GALNT13: variants seen among roughly 807,000 people sequenced by gnomAD.
GALNT13 encodes UDP-GalNAc:polypeptide N-acetylgalactosaminyltransferase 13.
GALNT13 carries 28 observed loss-of-function variants against 64.2 expected under a neutral mutation model. The ratio of observed to expected loss-of-function variants is 0.44; its 90% confidence interval spans 0.32 to 0.60. The LOEUF (loss-of-function observed/expected upper bound fraction) is 0.60, where lower values mean the gene tolerates loss of function less well. Ranked by LOEUF, GALNT13 falls within the 20% of genes least tolerant of loss-of-function variation. The pLI is 0.05. For missense variants in GALNT13, 577 were observed against 669.8 expected, an observed-to-expected ratio of 0.86 and a Z score of 1.53; for synonymous variants, 214 against 224.6, an observed-to-expected ratio of 0.95 and a Z score of 0.42.
chr2:154,248,837 T>G (rs1270596461), intron 7 of GALNT13, among the ~76,000 whole-genome samples: 1 of 152,194 alleles, frequency 6.6e-6, no homozygotes, highest in Middle Eastern at 3.2e-3. Flanking sequence ...TTTGTCAATA[T>G]TCTTGAAATT....
At chr2:153,363,780 T>A in the GALNT13 span, among the ~76,000 whole-genome samples, 1 of 152,108 alleles carries the variant, frequency 6.6e-6, no homozygotes, top group Non-Finnish European at 1.5e-5. Context: ...CAGGACCAGA[T>A]GGATTCATAG....
chr2:153,176,915 C>A, the GALNT13 span, among the ~76,000 whole-genome samples: 2 of 151,958 alleles, frequency 1.3e-5, no homozygotes, highest in African/African-American at 4.8e-5. Context: ...ACTTCTATAA[C>A]CTATGAAAAT....
At chr2:153,837,407 A>G in the GALNT13 span, among the ~76,000 whole-genome samples, 1 of 152,058 alleles carries the variant, frequency 6.6e-6, no homozygotes, top group African/African-American at 2.4e-5. Context: ...TCTGGATATT[A>G]GCCCTTTGTC....
the GALNT13 span, among the ~76,000 whole-genome samples, chr2:153,802,534 C>T: frequency 6.6e-6 from 1 of 152,180 alleles, no homozygotes; most frequent in Non-Finnish European, 1.5e-5. Context: ...AGGCTCTGCT[C>T]ACTCTGCTGT....
At chr2:153,368,143 TC>T in the GALNT13 span, among the ~76,000 whole-genome samples, 1 of 152,122 alleles carries the variant, frequency 6.6e-6, no homozygotes, top group African/African-American at 2.4e-5. Context: ...GCAGACACCA[TC>T]TGTTATGAAC....
chr2:154,007,057 G>C (rs762818314), intron 3 of GALNT13, among the ~76,000 whole-genome samples: 1 of 152,212 alleles, frequency 6.6e-6, no homozygotes, highest in South Asian at 2.1e-4. Context: ...TTAGAAAGGA[G>C]ATTATCTTAG....
intron 2 of GALNT13, among the ~76,000 whole-genome samples, chr2:153,919,995 T>A (rs943242956): frequency 2.7e-5 from 4 of 148,092 alleles, no homozygotes; most frequent in African/African-American, 9.8e-5. Context: ...ATTATATATA[T>A]TATAATATAT....
At chr2:154,278,124 C>T (rs1360253534) in intron 8 of GALNT13, among the ~76,000 whole-genome samples, 1 of 152,078 alleles carries the variant, frequency 6.6e-6, no homozygotes, top group Non-Finnish European at 1.5e-5. Context: ...GTTGGTCAAC[C>T]AACTTTATAT....
At chr2:153,526,208 T>C in the GALNT13 span, among the ~76,000 whole-genome samples, 7 of 152,224 alleles carry the variant, frequency 4.6e-5, no homozygotes, top group African/African-American at 1.4e-4. Flanking sequence ...TGAGCAAACA[T>C]AGGCAGTAGC....
At chr2:153,276,795 A>T in the GALNT13 span, among the ~76,000 whole-genome samples, 1 of 152,074 alleles carries the variant, frequency 6.6e-6, no homozygotes, top group Non-Finnish European at 1.5e-5. Flanking sequence ...TTCTAGATTT[A>T]GGTTCTTTGT....
intron 12 of GALNT13, among the ~76,000 whole-genome samples, chr2:154,445,569 G>T (rs1220825996): frequency 2.6e-5 from 4 of 151,536 alleles, no homozygotes; most frequent in African/African-American, 9.7e-5. Context: ...AAGCTATATA[G>T]TTAACAATAT....
At chr2:153,726,121 A>G in the GALNT13 span, among the ~76,000 whole-genome samples, 2 of 152,174 alleles carry the variant, frequency 1.3e-5, no homozygotes, top group Non-Finnish European at 2.9e-5. Context: ...AATGGCTTTT[A>G]TAGTCCTTTC....
the GALNT13 span, among the ~76,000 whole-genome samples, chr2:153,189,568 C>T: frequency 6.6e-6 from 1 of 152,182 alleles, no homozygotes; most frequent in South Asian, 2.1e-4. Flanking sequence ...CATAAGAGTG[C>T]ATGTATCCTT....
At chr2:153,317,423 T>C in the GALNT13 span, among the ~76,000 whole-genome samples, 2 of 152,328 alleles carry the variant, frequency 1.3e-5, no homozygotes, top group East Asian at 3.9e-4. Context: ...GTAAGGAGAA[T>C]CTTTAATCAA....
chr2:153,711,287 A>G, the GALNT13 span, among the ~76,000 whole-genome samples: 52 of 152,286 alleles, frequency 3.4e-4, no homozygotes, highest in African/African-American at 1.2e-3. Flanking sequence ...ATTAGTGGAA[A>G]CATTAACTAA....
chr2:154,418,486 G>A (rs1700120061), intron 11 of GALNT13, among the ~76,000 whole-genome samples: 1 of 152,142 alleles, frequency 6.6e-6, no homozygotes, highest in Non-Finnish European at 1.5e-5. Context: ...TGTGACCATA[G>A]TGGCAGAGCT....
the GALNT13 span, among the ~76,000 whole-genome samples, chr2:153,383,753 G>A: frequency 7.9e-5 from 12 of 152,030 alleles, no homozygotes; most frequent in East Asian, 7.8e-4. Context: ...GAGGCACCAC[G>A]GTATCAGTGG....
chr2:153,178,137 T>C, the GALNT13 span, among the ~76,000 whole-genome samples: 2 of 152,218 alleles, frequency 1.3e-5, no homozygotes. Context: ...TTCCATAACT[T>C]GGCTATTGTG....
chr2:153,478,654 C>T, the GALNT13 span: 6 of 1,076,356 alleles, frequency 5.6e-6, no homozygotes, highest in Admixed American at 1.7e-4. Context: ...GCTGAGCGCT[C>T]ACTCGCAGAC....
Sources: gnomAD v4.1 joint callset for allele counts (sites outside exome capture counted in the v4.1 genomes callset) on GRCh38, gnomAD v4.1.1 for gene constraint, MANE v1.5 for transcripts, NCBI Gene and HGNC (gene_info 2026-07-23, HGNC 2026-07-21) for gene names.